The following ZNF169 variants were observed in gnomAD, a reference collection of about 807,000 sequenced individuals.
ZNF169 encodes zinc finger protein 169.
ZNF169 carries 11 observed loss-of-function variants against 12.0 expected under a neutral mutation model. That is an observed-to-expected ratio of 0.92 (90% confidence interval 0.58 to 1.52). The LOEUF is 1.52. Among genes scored for constraint, ZNF169 ranks in the 40% most tolerant of loss-of-function variants. The pLI is 0.00. For synonymous variants in ZNF169, 302 were observed against 286.5 expected, an observed-to-expected ratio of 1.05 and a Z score of -0.55; for missense variants, 722 against 744.0, an observed-to-expected ratio of 0.97 and a Z score of 0.34.
chr9:94,301,014 T>C lies in ZNF169; in HGVS notation c.1456T>C (p.Tyr486His). The C allele has an allele frequency of 6.2e-7, 1 of 1,613,658 alleles. No homozygotes were observed. Reference sequence around the variant, plus strand: ...GAGGACACACACAGGGGAGAAGCCTTATCTGTGCCCCAAGTGTGGGCGTGC... The same window carrying C: ...GAGGACACACACAGGGGAGAAGCCTCATCTGTGCCCCAAGTGTGGGCGTGC... ...HQRTHTGEKPYLCPKCGRAFG... is the reference protein window; with the variant it reads ...HQRTHTGEKPHLCPKCGRAFG... The change falls in exon 5 of 5, where the codon TAT (tyrosine) becomes CAT (histidine). Residue 486 changes from tyrosine (Y) to histidine (H), a missense_variant. Coordinates refer to ENST00000395395, the MANE Select transcript of ZNF169 (RefSeq NM_194320.4).
chr9:94,290,045 A>C (rs1830800011), intron 2 of ZNF169, among the ~76,000 whole-genome samples: 1 of 152,180 alleles, frequency 6.6e-6, no homozygotes. Flanking sequence ...ATAAAGCAAA[A>C]ATTTCTTTAG....
At chr9:94,272,033 A>T (rs1830433618) in intron 1 of ZNF169, among the ~76,000 whole-genome samples, 1 of 152,188 alleles carries the variant, frequency 6.6e-6, no homozygotes. Flanking sequence ...ACTCAAAATT[A>T]CCATTTTAGT....
intron 2 of ZNF169, among the ~76,000 whole-genome samples, chr9:94,284,462 A>G (rs1227190359): frequency 6.6e-6 from 1 of 152,188 alleles, no homozygotes; most frequent in African/African-American, 2.4e-5. Flanking sequence ...AGAAGAAACT[A>G]GCTTGCACCA....
chr9:94,261,790 A>G (rs1830213037), intron 1 of ZNF169, among the ~76,000 whole-genome samples: 1 of 152,238 alleles, frequency 6.6e-6, no homozygotes. Context: ...TAGTTCTTTA[A>G]AACAAAATTC....
chr9:94,289,533 T>TA (rs1431121117), intron 2 of ZNF169, among the ~76,000 whole-genome samples: 1 of 152,216 alleles, frequency 6.6e-6, no homozygotes, highest in Non-Finnish European at 1.5e-5. Context: ...CTCACGCCTG[T>TA]AATCCCAGCA....
At chr9:94,274,603 T>C (rs1446520187) in intron 1 of ZNF169, among the ~76,000 whole-genome samples, 1 of 152,196 alleles carries the variant, frequency 6.6e-6, no homozygotes, top group African/African-American at 2.4e-5. Context: ...AGGTTGACAA[T>C]GCATTCAATA....
chr9:94,288,824 CT>C (rs1412578436), intron 2 of ZNF169, among the ~76,000 whole-genome samples: 1 of 151,354 alleles, frequency 6.6e-6, no homozygotes, highest in Admixed American at 6.6e-5. Flanking sequence ...TCAATTGAAC[CT>C]TTTTTTTTCA....
At chr9:94,262,255 C>T (rs1830218922) in intron 1 of ZNF169, among the ~76,000 whole-genome samples, 1 of 152,118 alleles carries the variant, frequency 6.6e-6, no homozygotes, top group Non-Finnish European at 1.5e-5. Context: ...GTGCAACTGA[C>T]TGACTTTGAG....
At chr9:94,292,640 T>TGTGTGCGCGC in intron 3 of ZNF169, 173 bp downstream of exon 3, 1 of 740,058 alleles carries the variant, frequency 1.4e-6, no homozygotes, top group Middle Eastern at 3.5e-4. Flanking sequence ...TGTGTGTGTG[T>TGTGTGCGCGC]GCGCGTGCAC....
chr9:94,261,200 C>T (rs1830202954), intron 1 of ZNF169, among the ~76,000 whole-genome samples: 1 of 152,112 alleles, frequency 6.6e-6, no homozygotes, highest in Non-Finnish European at 1.5e-5. Context: ...CGCTACCACA[C>T]CTGGCTAATT....
intron 1 of ZNF169, among the ~76,000 whole-genome samples, chr9:94,264,958 T>C (rs1291960990): frequency 6.6e-6 from 1 of 151,900 alleles, no homozygotes; most frequent in East Asian, 1.9e-4. Flanking sequence ...TGACAATTCT[T>C]GTACAATTCT....
intron 2 of ZNF169, chr9:94,287,882 G>A (rs12235970): frequency 0.075 from 73,424 of 982,230 alleles, 6,214 homozygotes; most frequent in East Asian, 0.32. Context: ...TCTGATACTT[G>A]GCTGCTATTC....
chr9:94,277,698 G>A (rs978609363), intron 1 of ZNF169, among the ~76,000 whole-genome samples: 6 of 152,032 alleles, frequency 3.9e-5, no homozygotes, highest in African/African-American at 1.4e-4. Flanking sequence ...TTGGGAGGCC[G>A]AGGCGGGCGG....
At chr9:94,274,854 C>A (rs1830493743) in intron 1 of ZNF169, among the ~76,000 whole-genome samples, 1 of 152,208 alleles carries the variant, frequency 6.6e-6, no homozygotes, top group South Asian at 2.1e-4. Context: ...GGGTTGTTTA[C>A]CTTCAAGATC....
chr9:94,269,596 G>A (rs550229899), intron 1 of ZNF169, among the ~76,000 whole-genome samples: 2 of 152,258 alleles, frequency 1.3e-5, no homozygotes, highest in South Asian at 4.2e-4. Context: ...ATTTGTTCCT[G>A]GACCAAACTG....
At position 94,300,343 on chromosome 9, in the gene ZNF169, A is replaced by C; in HGVS notation, c.785A>C (p.Tyr262Ser). 1 of 1,613,934 alleles carries C rather than the reference A, an allele frequency of 6.2e-7. No individual in the cohort carries two copies. Among genetic ancestry groups the C allele is most frequent in the East Asian group, 2.2e-5 (1 of 44,856 alleles). Residue 262 changes from tyrosine (Y) to serine (S), a missense_variant, in exon 5 of 5, where the codon TAC becomes TCC. Physicochemically the swap from Tyr to Ser is moderately radical, Grantham distance 144. Coordinates refer to ENST00000395395, the MANE Select transcript of ZNF169 (RefSeq NM_194320.4). Reference sequence around the variant, plus strand: ...AGGACACACACCGGGGAGAAGCCATACCTGTGTCCTGAGTGTGGGCGTCGG... The same window carrying C: ...AGGACACACACCGGGGAGAAGCCATCCCTGTGTCCTGAGTGTGGGCGTCGG... ...HQRTHTGEKP[Y>S]LCPECGRRFS...
At chr9:94,270,695 ATT>A (rs368326302) in intron 1 of ZNF169, among the ~76,000 whole-genome samples, 1 of 75,796 alleles carries the variant, frequency 1.3e-5, no homozygotes, top group Non-Finnish European at 2.6e-5. Flanking sequence ...TAAATATATA[ATT>A]TATATAATTA....
chr9:94,295,931 T>C (rs1249578825), intron 4 of ZNF169: 2 of 152,214 alleles, frequency 1.3e-5, no homozygotes, highest in Non-Finnish European at 2.9e-5. Context: ...ATGGATACAA[T>C]ATATATTCAA....
intron 2 of ZNF169, chr9:94,288,546 G>A (rs949422569): frequency 3.8e-6 from 2 of 520,294 alleles, no homozygotes; most frequent in Non-Finnish European, 7.4e-6. Context: ...GAGTAGCACA[G>A]CCATCTTCTC....
Sources: gnomAD v4.1 joint callset for allele counts (sites outside exome capture counted in the v4.1 genomes callset) on GRCh38, gnomAD v4.1.1 for gene constraint, MANE v1.5 for transcripts, NCBI Gene and HGNC (gene_info 2026-07-23, HGNC 2026-07-21) for gene names.